The following ZFPM1 variants were observed in gnomAD, a reference collection of about 807,000 sequenced individuals.
The protein encoded by ZFPM1 is zinc finger protein, FOG family member 1, also known as zinc finger protein ZFPM1.
Under a neutral mutation model 46.3 loss-of-function variants are expected in ZFPM1, and 28 were observed. That is an observed-to-expected ratio of 0.60 (90% CI 0.45 to 0.83). The LOEUF is 0.83. Among genes scored for constraint, ZFPM1 ranks in the 40% least tolerant of loss-of-function variants. The pLI is 0.00. For synonymous variants in ZFPM1, 957 were observed against 675.9 expected (o/e 1.42, Z -6.45); for missense variants, 1,878 against 1,432.4 (o/e 1.31, Z -5.02).
At chr16:88,525,202 G>A (rs1424343691) in intron 4 of ZFPM1, among the ~76,000 whole-genome samples, 1 of 152,222 alleles carries the variant, frequency 6.6e-6, no homozygotes, top group African/African-American at 2.4e-5. Flanking sequence ...GCAGCAGGGA[G>A]GCCGAGCCTG....
intron 1 of ZFPM1, among the ~76,000 whole-genome samples, chr16:88,461,268 C>CGGGTGCGAGGCCTGGTGAGGACCGAG (rs1907875852): frequency 1.6e-5 from 2 of 125,976 alleles, no homozygotes; most frequent in Admixed American, 8.3e-5. Flanking sequence ...TGAGGACCGA[C>CGGGTGCGAGGCCTGGTGAGGACCGAG]GGGTGCGAGG....
chr16:88,522,683 G>T (rs1911992061), intron 4 of ZFPM1, among the ~76,000 whole-genome samples: 1 of 152,220 alleles, frequency 6.6e-6, no homozygotes, highest in African/African-American at 2.4e-5. Flanking sequence ...TCCGCCCGGG[G>T]AATTTAAAGT....
chr16:88,518,889 GGGAT>G (rs1057084714), intron 4 of ZFPM1, among the ~76,000 whole-genome samples: 1 of 136,364 alleles, frequency 7.3e-6, no homozygotes, highest in South Asian at 2.4e-4. Flanking sequence ...GATGAGTGGA[GGGAT>G]GGATGGATGG....
intron 4 of ZFPM1, among the ~76,000 whole-genome samples, chr16:88,523,206 C>CG (rs1567551501): frequency 3.6e-5 from 4 of 110,868 alleles, no homozygotes; most frequent in Non-Finnish European, 5.7e-5. Context: ...GACTTCATCT[C>CG]AAAAAAAAAA....
chr16:88,502,146 C>T (rs1321481638), intron 3 of ZFPM1, among the ~76,000 whole-genome samples: 1 of 146,922 alleles, frequency 6.8e-6, no homozygotes, highest in Non-Finnish European at 1.5e-5. Flanking sequence ...TTTTTATTTC[C>T]TCACTGCGCT....
intron 1 of ZFPM1, among the ~76,000 whole-genome samples, chr16:88,464,866 C>T (rs1208329813): frequency 6.6e-6 from 1 of 150,582 alleles, no homozygotes; most frequent in East Asian, 2.0e-4. Flanking sequence ...TGGCCAATAG[C>T]CCAGCCTCTC....
chr16:88,476,354 G>C (rs1037437376), intron 1 of ZFPM1, among the ~76,000 whole-genome samples: 1 of 152,308 alleles, frequency 6.6e-6, no homozygotes, highest in Middle Eastern at 3.4e-3. Context: ...GCATTTGCTG[G>C]GTACCTACTG....
chr16:88,521,004 GTGGA>G (rs1911836046), intron 4 of ZFPM1, among the ~76,000 whole-genome samples: 1 of 104,778 alleles, frequency 9.5e-6, no homozygotes, highest in African/African-American at 3.7e-5. Context: ...GGGTGGGTGG[GTGGA>G]TGGATGATTA....
intron 3 of ZFPM1, among the ~76,000 whole-genome samples, chr16:88,502,361 A>AG (rs902987205): frequency 1.1e-3 from 159 of 150,922 alleles, no homozygotes; most frequent in Non-Finnish European, 1.8e-3. Context: ...CGCCCTGCCC[A>AG]GGGGCCCGGG....
chr16:88,485,899 C>G, intron 1 of ZFPM1, 40 bp from the exon 2 acceptor site: 2 of 1,590,454 alleles, frequency 1.3e-6, no homozygotes, highest in Non-Finnish European at 1.7e-6. Context: ...AGCTGTCCCC[C>G]CAGAGCTCCT....
intron 2 of ZFPM1, among the ~76,000 whole-genome samples, chr16:88,488,497 T>TA (rs1386197725): frequency 6.6e-6 from 1 of 152,220 alleles, no homozygotes. Flanking sequence ...ATAGGACTTT[T>TA]ATACTGTGTG....
chr16:88,500,917 AGGTACAGC>A, intron 3 of ZFPM1, among the ~76,000 whole-genome samples: 1 of 152,260 alleles, frequency 6.6e-6, no homozygotes, highest in Admixed American at 6.5e-5. Flanking sequence ...CCTGACCGAC[AGGTACAGC>A]GGGCCCTCCC....
chr16:88,510,975 C>G (rs1443701303), intron 3 of ZFPM1, among the ~76,000 whole-genome samples: 1 of 152,110 alleles, frequency 6.6e-6, no homozygotes, highest in Non-Finnish European at 1.5e-5. Flanking sequence ...ATGTTGGGTT[C>G]GTGGGTTTTT....
intron 4 of ZFPM1, among the ~76,000 whole-genome samples, chr16:88,517,404 ATGGATGGG>A (rs1220749394): frequency 1.4e-5 from 2 of 145,416 alleles, no homozygotes; most frequent in Non-Finnish European, 1.5e-5. Flanking sequence ...GCATGGGTAG[ATGGATGGG>A]TGGATGGTTG....
intron 4 of ZFPM1, among the ~76,000 whole-genome samples, chr16:88,524,130 G>C (rs992328216): frequency 2.0e-5 from 3 of 152,198 alleles, no homozygotes; most frequent in African/African-American, 7.2e-5. Context: ...TATCGTTACC[G>C]CAGCACCCAT....
In ZFPM1 at chr16:88,534,390, CGGCGCT is replaced by C. The variant is rs1251255140; in HGVS notation, c.2436_2441del (p.Leu813_Ala814del). 1.4e-6 allele frequency: 2 copies of C among 1,465,704 alleles called. No individual in the cohort carries two copies. Among genetic ancestry groups the C allele is most frequent in the South Asian group, 1.3e-5 (1 of 78,702 alleles). The allele number at this position is 1,465,704 out of a possible 1,614,324, so 90.8% of individuals were successfully genotyped here. On this transcript the variant is annotated inframe_deletion, in exon 10 of 10. Coordinates refer to ENST00000319555, the MANE Select transcript of ZFPM1 (RefSeq NM_153813.3). ...CGCCCGCTCCCCGGAGCCCCGGCAC[CGGCGCT>C]GGCCGACTACCACGAGTGCACGGCC...
Position 88,534,862 on chromosome 16 carries a change from G to T in ZFPM1, c.2904G>T (p.Leu968=). ...CCAGCAAGGGCACGCCGGCGCCGCT[G>T]CCCAACGGCAACCACCGGTACTGCC... is the stretch of plus-strand genomic sequence containing the variant. The part of the protein sequence containing the change: ...QTPSKGTPAP[L]PNGNHRYCRL... The change falls in exon 10 of 10, where the codon CTG becomes CTT. Residue 968 remains leucine, a synonymous_variant. Coordinates refer to ENST00000319555, the MANE Select transcript of ZFPM1 (RefSeq NM_153813.3). 6.4e-7 allele frequency: 1 copy of T among 1,566,554 alleles called. No individual in the cohort carries two copies. Among genetic ancestry groups the T allele is most frequent in the Non-Finnish European group, 8.6e-7 (1 of 1,162,640 alleles).
At chr16:88,524,848 C>T (rs1465717597) in intron 4 of ZFPM1, among the ~76,000 whole-genome samples, 2 of 152,216 alleles carry the variant, frequency 1.3e-5, no homozygotes, top group Admixed American at 1.3e-4. Context: ...GGCAGAGCCC[C>T]GTCTGCAGAG....
At chr16:88,455,702 T>C (rs1263323615) in intron 1 of ZFPM1, among the ~76,000 whole-genome samples, 3 of 151,972 alleles carry the variant, frequency 2.0e-5, no homozygotes, top group Non-Finnish European at 4.4e-5. Context: ...CGTGCGGAGA[T>C]AGATGTGCCG....
Sources: gnomAD v4.1 joint callset for allele counts (sites outside exome capture counted in the v4.1 genomes callset) on GRCh38, gnomAD v4.1.1 for gene constraint, MANE v1.5 for transcripts, NCBI Gene and HGNC (gene_info 2026-07-23, HGNC 2026-07-21) for gene names.